TEX48: variants seen among roughly 807,000 people sequenced by gnomAD.
TEX48 encodes the protein testis expressed 48, also known as testis-expressed protein 48.
In TEX48, 10 loss-of-function variants were observed where a neutral mutation model predicts 13.2. The ratio of observed to expected loss-of-function variants is 0.75; its 90% confidence interval spans 0.47 to 1.28. The LOEUF (loss-of-function observed/expected upper bound fraction) is 1.28. Among genes scored for constraint, TEX48 ranks in the 50% most tolerant of loss-of-function variants. The probability of loss-of-function intolerance (pLI) is 0.00; values close to 1 mark genes in which losing one functional copy is unlikely to be tolerated. For synonymous variants in TEX48, 45 were observed against 52.3 expected, an observed-to-expected ratio of 0.86 and a Z score of 0.60; for missense variants, 116 against 139.4, an observed-to-expected ratio of 0.83 and a Z score of 0.84.
chr9:114,671,390 C>T lies in TEX48; in HGVS notation c.120G>A (p.Ser40=), dbSNP rs909938189. The part of the protein sequence containing the change: ...VPSQTQEHKP[S]TQNLLLQKDE... ...TCCTTATCTGATACCTACTTTGGGT[C>T]GATGGCTTGTGCTCCTGGGTTTGAC... is the stretch of plus-strand genomic sequence containing the variant. The change falls in exon 3 of 5, where the codon TCG becomes TCA. Residue 40 remains serine (S), a synonymous_variant. Coordinates refer to ENST00000436752, the MANE Select transcript of TEX48 (RefSeq NM_001199233.2). 10 of 1,535,140 alleles carry T rather than the reference C, an allele frequency of 6.5e-6. No individual in the cohort carries two copies. Among genetic ancestry groups the T allele is most frequent in the Middle Eastern group, 1.7e-4 (1 of 6,008 alleles).
In TEX48 at chr9:114,680,389, C is replaced by T. The variant is rs191216857; in HGVS notation, c.-105+1646G>A. Among the ~76,000 whole-genome samples, 436 of 152,070 alleles carry T rather than the reference C, an allele frequency of 2.9e-3. 1 individual carries two copies. Among genetic ancestry groups the T allele is most frequent in the Non-Finnish European group, 4.3e-3 (294 of 67,976 alleles). On this transcript the variant is annotated intron_variant, in intron 1 of 4. Transcript: ENST00000436752. ...TGATCTGCCAGCCTTGGCCTCCCAA[C>T]GTGCTGGGATTACAGGCGTGAGCCA...
intron 1 of TEX48, among the ~76,000 whole-genome samples, chr9:114,679,964 C>A (rs1188511196): frequency 1.3e-5 from 2 of 152,010 alleles, no homozygotes; most frequent in Non-Finnish European, 2.9e-5. Flanking sequence ...TCCCGTTGTG[C>A]CTGGATTAAT....
chr9:114,668,637 T>C (rs1827885502), intron 3 of TEX48, among the ~76,000 whole-genome samples: 1 of 152,204 alleles, frequency 6.6e-6, no homozygotes, highest in Admixed American at 6.5e-5. Flanking sequence ...GTATGTATTC[T>C]TTTTAAAACA....
intron 1 of TEX48, among the ~76,000 whole-genome samples, chr9:114,679,100 C>T (rs912675345): frequency 9.9e-5 from 15 of 151,882 alleles, no homozygotes; most frequent in African/African-American, 3.4e-4. Flanking sequence ...CTTCAGGACA[C>T]TTTCAAAGGA....
chr9:114,677,251 G>GTTTT (rs1554764958), intron 1 of TEX48, among the ~76,000 whole-genome samples: 1 of 147,936 alleles, frequency 6.8e-6, no homozygotes, highest in Non-Finnish European at 1.5e-5. Flanking sequence ...TTGTTTGTTT[G>GTTTT]TTTTTTTGTT....
At chr9:114,677,674 T>A (rs1828101553) in intron 1 of TEX48, among the ~76,000 whole-genome samples, 1 of 152,170 alleles carries the variant, frequency 6.6e-6, no homozygotes, top group African/African-American at 2.4e-5. Context: ...AATTGATTTG[T>A]CTAGAAGAAA....
chr9:114,666,869 A>G, intron 4 of TEX48, 123 bp from the exon 5 acceptor site: 1 of 606,872 alleles, frequency 1.6e-6, no homozygotes, highest in Non-Finnish European at 2.9e-6. Context: ...CAAGGGACCC[A>G]AGGCAGACCC....
At chr9:114,672,678 C>T (rs1827969926) in intron 1 of TEX48, among the ~76,000 whole-genome samples, 1 of 152,146 alleles carries the variant, frequency 6.6e-6, no homozygotes, top group Non-Finnish European at 1.5e-5. Context: ...ATTTCTCTTA[C>T]CCTGAACTTC....
chr9:114,680,328 G>A (rs766613668), intron 1 of TEX48, among the ~76,000 whole-genome samples: 1 of 151,942 alleles, frequency 6.6e-6, no homozygotes, highest in Non-Finnish European at 1.5e-5. Flanking sequence ...GTTTCCCCAT[G>A]TTGGGTCAGG....
At chr9:114,680,759 C>T (rs986404141) in intron 1 of TEX48, among the ~76,000 whole-genome samples, 3 of 152,178 alleles carry the variant, frequency 2.0e-5, no homozygotes, top group African/African-American at 4.8e-5. Flanking sequence ...CCTGTAACCA[C>T]GGTAACAACG....
intron 1 of TEX48, among the ~76,000 whole-genome samples, chr9:114,674,163 A>G (rs1186608029): frequency 6.6e-6 from 1 of 152,072 alleles, no homozygotes; most frequent in South Asian, 2.1e-4. Context: ...TATTCCTCAG[A>G]AGAAAAACCA....
chr9:114,678,266 G>A (rs917841416), intron 1 of TEX48, among the ~76,000 whole-genome samples: 7 of 151,916 alleles, frequency 4.6e-5, no homozygotes, highest in Non-Finnish European at 5.9e-5. Context: ...TACTACCCAC[G>A]TATACTCCTC....
intron 4 of TEX48, among the ~76,000 whole-genome samples, chr9:114,667,772 G>A (rs903319034): frequency 3.9e-5 from 6 of 151,936 alleles, no homozygotes; most frequent in Admixed American, 1.3e-4. Context: ...GTTGGTGGGC[G>A]CCTGTAATCT....
intron 1 of TEX48, among the ~76,000 whole-genome samples, chr9:114,675,717 G>C (rs1214606657): frequency 1.3e-5 from 2 of 152,150 alleles, no homozygotes; most frequent in African/African-American, 2.4e-5. Flanking sequence ...CACCAAGGGG[G>C]TCCCCAAGTC....
At chr9:114,679,051 TAACA>T (rs890550417) in intron 1 of TEX48, among the ~76,000 whole-genome samples, 3 of 151,728 alleles carry the variant, frequency 2.0e-5, no homozygotes, top group Non-Finnish European at 2.9e-5. Flanking sequence ...GATTCAAGAA[TAACA>T]AACAAAATGA....
At chr9:114,678,305 A>G (rs1247807342) in intron 1 of TEX48, among the ~76,000 whole-genome samples, 2 of 152,068 alleles carry the variant, frequency 1.3e-5, no homozygotes, top group East Asian at 3.9e-4. Context: ...GCCCAAATAA[A>G]CTTTTTCAGG....
Position 114,668,218 on chromosome 9 carries a change from T to G in TEX48, c.247A>C (p.Ser83Arg), listed in dbSNP as rs746668634. 4.9e-5 allele frequency: 76 copies of G among 1,535,592 alleles called. No individual in the cohort carries two copies. The highest frequency in any genetic ancestry group is 6.4e-5 in the Non-Finnish European group (73 of 1,146,908). ...QTKKSTSSSS[S>R]EFEDLNAYAS... ...ATTTGGGACTCACCCTCAAACTCAC[T>G]GCTGCTGGAGGAAGTGCTCTTTTTT... The change falls in exon 4 of 5, where the codon AGT becomes CGT. Residue 83 changes from serine to arginine, a missense_variant. Transcript: ENST00000436752.
At chr9:114,671,326 G>A (rs1827941689) in intron 3 of TEX48, 57 bp downstream of exon 3, 1 of 1,523,070 alleles carries the variant, frequency 6.6e-7, no homozygotes, top group Non-Finnish European at 8.8e-7. Context: ...AGCAGGCAGA[G>A]AGTGAGCAAA....
At chr9:114,669,360 C>G (rs868579613) in intron 3 of TEX48, among the ~76,000 whole-genome samples, 2 of 151,484 alleles carry the variant, frequency 1.3e-5, no homozygotes, top group Middle Eastern at 3.4e-3. Context: ...CTTACTGCAG[C>G]CTCGACCTCC....
Sources: gnomAD v4.1 joint callset for allele counts (sites outside exome capture counted in the v4.1 genomes callset) on GRCh38, gnomAD v4.1.1 for gene constraint, MANE v1.5 for transcripts, NCBI Gene and HGNC (gene_info 2026-07-23, HGNC 2026-07-21) for gene names.